The following FGD6 variants were observed in gnomAD, a reference collection of about 807,000 sequenced individuals.
FGD6 encodes the protein FYVE, RhoGEF and PH domain containing 6.
Under a neutral mutation model 149.4 loss-of-function variants are expected in FGD6, and 90 were observed. The observed-to-expected ratio is 0.60, with a 90% CI of 0.51 to 0.72. The LOEUF (loss-of-function observed/expected upper bound fraction) is 0.72, where lower values mean the gene tolerates loss of function less well. Ranked by LOEUF, FGD6 falls within the 30% of genes least tolerant of loss-of-function variation. The probability of loss-of-function intolerance (pLI) is 0.00; values close to 1 mark genes in which losing one functional copy is unlikely to be tolerated. For missense variants in FGD6, 1,437 were observed against 1,684.8 expected, an observed-to-expected ratio of 0.85 and a Z score of 2.57; for synonymous variants, 527 against 584.0, an observed-to-expected ratio of 0.90 and a Z score of 1.41.
chr12:95,116,594 A>G (rs1406183172), intron 8 of FGD6, among the ~76,000 whole-genome samples: 1 of 152,216 alleles, frequency 6.6e-6, no homozygotes, highest in Non-Finnish European at 1.5e-5. Flanking sequence ...ATGAACTTTT[A>G]TGAACACAGT....
chr12:95,148,574 T>C (rs1880094495), intron 5 of FGD6, among the ~76,000 whole-genome samples: 1 of 109,174 alleles, frequency 9.2e-6, no homozygotes, highest in Non-Finnish European at 1.9e-5. Flanking sequence ...TATTATATAA[T>C]ACATAGCATA....
chr12:95,187,664 A>G (rs528419795), intron 2 of FGD6, among the ~76,000 whole-genome samples: 1 of 141,212 alleles, frequency 7.1e-6, no homozygotes, highest in Admixed American at 7.0e-5. Flanking sequence ...AAAAAAAAAC[A>G]AAAAAAAAAA....
chr12:95,105,918 G>C (rs1447641042), intron 13 of FGD6, among the ~76,000 whole-genome samples: 1 of 152,106 alleles, frequency 6.6e-6, no homozygotes, highest in Non-Finnish European at 1.5e-5. Flanking sequence ...GCTGAGTCAG[G>C]AGAATCTCTC....
intron 5 of FGD6, among the ~76,000 whole-genome samples, chr12:95,148,257 A>G (rs1435157747): frequency 7.0e-6 from 1 of 142,614 alleles, no homozygotes; most frequent in Non-Finnish European, 1.5e-5. Flanking sequence ...GAGAACTGAG[A>G]AAGTCTTCTA....
At chr12:95,188,688 A>G (rs1881512185) in intron 2 of FGD6, among the ~76,000 whole-genome samples, 1 of 152,180 alleles carries the variant, frequency 6.6e-6, no homozygotes, top group South Asian at 2.1e-4. Context: ...TTTTTAAGAC[A>G]ACAATTTTAT....
At chr12:95,107,283 T>G (rs1281309354) in intron 12 of FGD6, among the ~76,000 whole-genome samples, 2 of 152,230 alleles carry the variant, frequency 1.3e-5, no homozygotes, top group Non-Finnish European at 2.9e-5. Context: ...TTTTTTGAAT[T>G]CTAAATCCCA....
At chr12:95,126,291 G>T in intron 8 of FGD6, 2 of 1,452,260 alleles carry the variant, frequency 1.4e-6, no homozygotes, top group South Asian at 2.4e-5. Context: ...TGCCCAGAAA[G>T]CCACAGGCCA....
chr12:95,145,568 G>A (rs1879987736), intron 5 of FGD6, among the ~76,000 whole-genome samples: 1 of 152,074 alleles, frequency 6.6e-6, no homozygotes, highest in Admixed American at 6.6e-5. Flanking sequence ...ATCCACTAAC[G>A]CCCACTTTGC....
chr12:95,140,913 G>A (rs549903334), intron 6 of FGD6, among the ~76,000 whole-genome samples: 6 of 152,082 alleles, frequency 3.9e-5, no homozygotes, highest in Admixed American at 3.3e-4. Context: ...CCAAGGTTGT[G>A]AATTTTGGGC....
In FGD6 at chr12:95,209,704, C is replaced by A; in HGVS notation, c.1580G>T (p.Ser527Ile). ...ELLEKSSYPSSEEKSSEKSLE... is the reference protein window; with the variant it reads ...ELLEKSSYPSIEEKSSEKSLE... The stretch of plus-strand genomic sequence containing the variant: ...ACTCTTCTCTGAACTTTTTTCTTCA[C>A]TTGAAGGATAAGAACTTTTTTCCAA... The change falls in exon 2 of 21, where the codon AGT becomes ATT. Residue 527 changes from serine (S) to isoleucine (I), a missense_variant. Transcript: ENST00000343958. 6.2e-7 allele frequency: 1 copy of A among 1,614,014 alleles called. No homozygotes were observed. The highest frequency in any genetic ancestry group is 8.5e-7 in the Non-Finnish European group (1 of 1,180,008).
intron 8 of FGD6, among the ~76,000 whole-genome samples, chr12:95,129,116 CAG>C (rs1879436063): frequency 6.6e-6 from 1 of 152,014 alleles, no homozygotes; most frequent in African/African-American, 2.4e-5. Flanking sequence ...TGGAGCCTAA[CAG>C]AGAAATAGAA....
intron 2 of FGD6, among the ~76,000 whole-genome samples, chr12:95,193,596 T>C (rs1881655291): frequency 6.6e-6 from 1 of 151,482 alleles, no homozygotes; most frequent in Non-Finnish European, 1.5e-5. Context: ...TGGCGTGATC[T>C]TGGCTCACTG....
At chr12:95,162,193 G>C (rs1283316503) in intron 3 of FGD6, among the ~76,000 whole-genome samples, 3 of 151,632 alleles carry the variant, frequency 2.0e-5, no homozygotes, top group Non-Finnish European at 4.4e-5. Flanking sequence ...CATGAGCCCA[G>C]GAGTTCAAGG....
chr12:95,200,850 G>A (rs1324874356), intron 2 of FGD6, among the ~76,000 whole-genome samples: 2 of 152,022 alleles, frequency 1.3e-5, no homozygotes, highest in African/African-American at 2.4e-5. Flanking sequence ...CCACCCAGAA[G>A]AAAGTAGGCA....
Position 95,213,187 on chromosome 12 carries a change from C to T in FGD6, c.17-1920G>A, listed in dbSNP as rs997813494. ...ATGAATGCCTTAGGCCTCTTCCCAACGGCCCATCTTACTCAGTACGACTGT... is the reference window on the plus strand; with the variant it reads ...ATGAATGCCTTAGGCCTCTTCCCAATGGCCCATCTTACTCAGTACGACTGT... On this transcript the variant is annotated intron_variant, in intron 1 of 20. Transcript: ENST00000343958. Among the ~76,000 whole-genome samples, 7 of 152,290 alleles carry T rather than the reference C, an allele frequency of 4.6e-5. No homozygotes were observed. In the South Asian group the frequency reaches 8.3e-4, roughly 18 times the overall value.
At chr12:95,148,582 ATATAT>A (rs1470400853) in intron 5 of FGD6, among the ~76,000 whole-genome samples, 5 of 136,788 alleles carry the variant, frequency 3.7e-5, no homozygotes, top group African/African-American at 8.1e-5. Context: ...AATACATAGC[ATATAT>A]TATATAATAC....
intron 2 of FGD6, among the ~76,000 whole-genome samples, chr12:95,190,238 C>T (rs769318098): frequency 1.3e-5 from 2 of 152,144 alleles, no homozygotes; most frequent in Admixed American, 6.5e-5. Flanking sequence ...GGCACAATCT[C>T]GGCTCACTGC....
Position 95,148,403 on chromosome 12 carries a change from C to T in FGD6, c.2685+4408G>A, listed in dbSNP as rs1592851614. Among the ~76,000 whole-genome samples, 3 of 148,800 alleles carry T rather than the reference C, an allele frequency of 2.0e-5. No individual in the cohort carries two copies. In the East Asian group the frequency reaches 5.9e-4, roughly 29 times the overall value. On this transcript the variant is annotated intron_variant, in intron 5 of 20. Transcript: ENST00000343958. Reference sequence around the variant, plus strand: ...TTTTCAAGGAAATGTACGTCTCCACCTAAAGAAATTAGTGAAGCAAAGATG... The same window carrying T: ...TTTTCAAGGAAATGTACGTCTCCACTTAAAGAAATTAGTGAAGCAAAGATG...
chr12:95,213,690 G>A (rs991118333), intron 1 of FGD6, among the ~76,000 whole-genome samples: 5 of 152,090 alleles, frequency 3.3e-5, no homozygotes, highest in African/African-American at 4.8e-5. Flanking sequence ...TAAAAAATGC[G>A]TTTTGTACAC....
Sources: gnomAD v4.1 joint callset for allele counts (sites outside exome capture counted in the v4.1 genomes callset) on GRCh38, gnomAD v4.1.1 for gene constraint, MANE v1.5 for transcripts, NCBI Gene and HGNC (gene_info 2026-07-23, HGNC 2026-07-21) for gene names.